Variants in DOK5 observed in about 807,000 individuals in gnomAD.
The protein encoded by DOK5 is downstream of tyrosine kinase 5.
A neutral mutation model predicts 43.3 loss-of-function variants in DOK5; 27 were observed. The observed-to-expected ratio is 0.62, with a 90% CI of 0.46 to 0.86. The LOEUF (loss-of-function observed/expected upper bound fraction) is 0.86, where lower values mean the gene tolerates loss of function less well. Ranked by LOEUF, DOK5 falls within the 40% of genes least tolerant of loss-of-function variation. The probability of loss-of-function intolerance (pLI) is 0.00; values close to 1 mark genes in which losing one functional copy is unlikely to be tolerated. For missense variants in DOK5, 373 were observed against 392.9 expected (o/e 0.95, Z 0.43); for synonymous variants, 146 against 140.1 (o/e 1.04, Z -0.30).
intron 2 of DOK5, among the ~76,000 whole-genome samples, chr20:54,569,596 T>A (rs1743158983): frequency 6.6e-6 from 1 of 152,220 alleles, no homozygotes; most frequent in Admixed American, 6.5e-5. Context: ...TTAAGTTTTT[T>A]TCTGGTTACT....
At chr20:54,623,294 T>A (rs114816016) in intron 6 of DOK5, among the ~76,000 whole-genome samples, 27 of 152,236 alleles carry the variant, frequency 1.8e-4, no homozygotes, top group African/African-American at 6.3e-4. Flanking sequence ...TTGCCCCAAA[T>A]GTCAATAGGG....
intron 1 of DOK5, among the ~76,000 whole-genome samples, chr20:54,536,226 A>G (rs1472805005): frequency 1.3e-5 from 2 of 152,160 alleles, no homozygotes; most frequent in African/African-American, 2.4e-5. Context: ...TAGATTTGGG[A>G]GATGGGAATG....
chr20:54,560,083 C>T (rs1377922158), intron 2 of DOK5, among the ~76,000 whole-genome samples: 1 of 152,194 alleles, frequency 6.6e-6, no homozygotes, highest in Non-Finnish European at 1.5e-5. Flanking sequence ...AGCTAATGTC[C>T]TAAAATTTAT....
chr20:54,524,805 T>A (rs1011731597), intron 1 of DOK5, among the ~76,000 whole-genome samples: 1 of 152,248 alleles, frequency 6.6e-6, no homozygotes, highest in African/African-American at 2.4e-5. Context: ...ACAGTTTGCA[T>A]GCTCTTGAGC....
chr20:54,488,954 C>T (rs1982055964), intron 1 of DOK5, among the ~76,000 whole-genome samples: 1 of 152,074 alleles, frequency 6.6e-6, no homozygotes, highest in South Asian at 2.1e-4. Flanking sequence ...GGTCGTAGTC[C>T]TTAGTAAATT....
At chr20:54,496,307 G>C (rs1490937423) in intron 1 of DOK5, among the ~76,000 whole-genome samples, 1 of 152,168 alleles carries the variant, frequency 6.6e-6, no homozygotes, top group Non-Finnish European at 1.5e-5. Context: ...GGCTGAGAAA[G>C]GCACTGGCAT....
intron 1 of DOK5, among the ~76,000 whole-genome samples, chr20:54,507,498 G>C (rs972941460): frequency 2.0e-5 from 3 of 152,016 alleles, no homozygotes; most frequent in Non-Finnish European, 4.4e-5. Flanking sequence ...TTCTACTAAG[G>C]CATCAAAAAT....
intron 5 of DOK5, among the ~76,000 whole-genome samples, chr20:54,609,031 A>T (rs1258080549): frequency 1.3e-5 from 2 of 152,208 alleles, no homozygotes; most frequent in Non-Finnish European, 2.9e-5. Context: ...ATTTAATTCA[A>T]ATGTAATGGG....
chr20:54,616,972 A>G (rs1986834295), intron 6 of DOK5, among the ~76,000 whole-genome samples: 1 of 151,512 alleles, frequency 6.6e-6, no homozygotes, highest in Admixed American at 6.6e-5. Flanking sequence ...TTGTATTTTT[A>G]GTGGAGACGG....
At chr20:54,539,972 A>G (rs917817890) in intron 1 of DOK5, among the ~76,000 whole-genome samples, 2 of 152,226 alleles carry the variant, frequency 1.3e-5, no homozygotes, top group African/African-American at 4.8e-5. Context: ...AGAGAAGAAT[A>G]TAACACTTTG....
At chr20:54,594,353 A>T (rs1036567602) in intron 5 of DOK5, among the ~76,000 whole-genome samples, 4 of 152,128 alleles carry the variant, frequency 2.6e-5, no homozygotes, top group African/African-American at 9.7e-5. Flanking sequence ...GATCTTGCCA[A>T]TACACTCCAG....
chr20:54,584,193 T>G (rs1985726681), intron 2 of DOK5, among the ~76,000 whole-genome samples: 1 of 151,652 alleles, frequency 6.6e-6, no homozygotes, highest in Non-Finnish European at 1.5e-5. Flanking sequence ...TGATAGGAAA[T>G]GATTACTTTT....
At chr20:54,569,144 G>T (rs558891768) in intron 2 of DOK5, among the ~76,000 whole-genome samples, 2 of 152,172 alleles carry the variant, frequency 1.3e-5, no homozygotes, top group African/African-American at 4.8e-5. Flanking sequence ...AGGTAAAATG[G>T]AGTAATTCAT....
Position 54,645,025 on chromosome 20 carries a change from T to TTTTG in DOK5, c.856+1447_856+1448insTTTG, listed in dbSNP as rs1491431621. Reference sequence around the variant, plus strand: ...TTTTTTTTTTTTTTTTTTTTTTTTTTGAGACAGAGTCTCGCTCTGTCGCCC... The same window carrying TTTTG: ...TTTTTTTTTTTTTTTTTTTTTTTTTTTTTGGAGACAGAGTCTCGCTCTGTCGCCC... On this transcript the variant is annotated intron_variant, in intron 7 of 7. Coordinates refer to ENST00000262593, the MANE Select transcript of DOK5 (RefSeq NM_018431.5). Among the ~76,000 whole-genome samples the TTTTG allele has an allele frequency of 5.8e-4, 53 of 90,816 alleles. 7 individuals are homozygous for TTTTG. Among genetic ancestry groups the TTTTG allele is most frequent in the Non-Finnish European group, 7.7e-4 (38 of 49,220 alleles). 59.6% of individuals were successfully genotyped at this position (90,816 alleles called of 152,430 possible).
intron 1 of DOK5, among the ~76,000 whole-genome samples, chr20:54,514,873 C>T (rs1256541750): frequency 6.6e-6 from 1 of 151,958 alleles, no homozygotes; most frequent in Non-Finnish European, 1.5e-5. Context: ...TTCTCCCTCC[C>T]TTCCTCCTTC....
At chr20:54,546,857 C>G (rs1984365564) in intron 1 of DOK5, among the ~76,000 whole-genome samples, 1 of 152,066 alleles carries the variant, frequency 6.6e-6, no homozygotes, top group Admixed American at 6.6e-5. Context: ...CAGTGATTCC[C>G]CAATGGTGGA....
Position 54,610,694 on chromosome 20 carries a change from G to A in DOK5, c.735+171G>A, listed in dbSNP as rs80351342. Among the ~76,000 whole-genome samples, 612 of 152,310 alleles carry A rather than the reference G, an allele frequency of 4.0e-3. 2 individuals carry two copies. The highest frequency in any genetic ancestry group is 0.014 in the African/African-American group (579 of 41,560). On this transcript the variant is annotated intron_variant, in intron 6 of 7. Transcript: ENST00000262593. ...CATTCCAGAATGCCTGATGTGGGCC[G>A]TTGGTAATACCTTGGCCATACATCC...
At chr20:54,528,351 A>G (rs1983648847) in intron 1 of DOK5, among the ~76,000 whole-genome samples, 1 of 152,140 alleles carries the variant, frequency 6.6e-6, no homozygotes. Flanking sequence ...GTTTTCTTTC[A>G]TGGGAAAGAA....
intron 6 of DOK5, among the ~76,000 whole-genome samples, chr20:54,624,683 G>T (rs906340313): frequency 4.6e-5 from 7 of 152,186 alleles, no homozygotes; most frequent in Non-Finnish European, 1.0e-4. Flanking sequence ...TAAGGAGGCA[G>T]AAAAAGTTAC....
Sources: gnomAD v4.1 joint callset for allele counts (sites outside exome capture counted in the v4.1 genomes callset) on GRCh38, gnomAD v4.1.1 for gene constraint, MANE v1.5 for transcripts, NCBI Gene and HGNC (gene_info 2026-07-23, HGNC 2026-07-21) for gene names.